Variants in SYNPR observed in about 807,000 individuals in gnomAD.
The protein encoded by SYNPR is synaptoporin.
A neutral mutation model predicts 32.9 loss-of-function variants in SYNPR; 23 were observed. The ratio of observed to expected loss-of-function variants is 0.70; its 90% CI spans 0.50 to 0.99. The LOEUF (loss-of-function observed/expected upper bound fraction) is 0.99, where lower values mean the gene tolerates loss of function less well. Among genes scored for constraint, SYNPR ranks in the 50% least tolerant of loss-of-function variants. The pLI, the probability that SYNPR is intolerant of heterozygous loss-of-function variation, is 0.00. For synonymous variants in SYNPR, 146 were observed against 135.9 expected (o/e 1.07, Z -0.52); for missense variants, 318 against 349.3 (o/e 0.91, Z 0.71).
chr3:63,458,812 A>G (rs1439413335), intron 2 of SYNPR, among the ~76,000 whole-genome samples: 1 of 152,002 alleles, frequency 6.6e-6, no homozygotes, highest in African/African-American at 2.4e-5. Context: ...CTGAGTTTCA[A>G]CCTCTTCAAA....
intron 3 of SYNPR, among the ~76,000 whole-genome samples, chr3:63,491,780 C>T (rs1321541756): frequency 2.0e-5 from 3 of 152,112 alleles, no homozygotes; most frequent in South Asian, 2.1e-4. Flanking sequence ...CTCGGCCTCC[C>T]GAAGTACTGG....
At chr3:63,436,738 T>C (rs1198630246) in intron 2 of SYNPR, among the ~76,000 whole-genome samples, 1 of 152,164 alleles carries the variant, frequency 6.6e-6, no homozygotes, top group East Asian at 1.9e-4. Context: ...AGTCTCTGAA[T>C]ACTCAGAAAT....
intron 3 of SYNPR, among the ~76,000 whole-genome samples, chr3:63,552,934 T>C (rs1330241363): frequency 6.6e-6 from 1 of 152,206 alleles, no homozygotes; most frequent in Non-Finnish European, 1.5e-5. Flanking sequence ...ATTATCTTAA[T>C]TGGAAGATGA....
intron 2 of SYNPR, among the ~76,000 whole-genome samples, chr3:63,327,045 T>G (rs938928750): frequency 6.6e-6 from 1 of 152,120 alleles, no homozygotes; most frequent in East Asian, 1.9e-4. Flanking sequence ...TTAGATTTCC[T>G]GTTTCATTTT....
At chr3:63,553,904 A>G (rs538356348) in intron 3 of SYNPR, among the ~76,000 whole-genome samples, 1 of 152,170 alleles carries the variant, frequency 6.6e-6, no homozygotes, top group South Asian at 2.1e-4. Flanking sequence ...TATTTTTAGT[A>G]GAGATGGGGT....
At chr3:63,410,129 T>G (rs888323125) in intron 2 of SYNPR, among the ~76,000 whole-genome samples, 2 of 152,218 alleles carry the variant, frequency 1.3e-5, no homozygotes, top group African/African-American at 4.8e-5. Context: ...TGGAAGTCAC[T>G]CATTCATGCA....
intron 2 of SYNPR, chr3:63,445,546 T>C: frequency 1.4e-6 from 1 of 701,074 alleles, no homozygotes; most frequent in South Asian, 1.5e-5. Flanking sequence ...CTTTTTAGCA[T>C]AATGAAGAAT....
At chr3:63,250,720 T>C (rs2086324312) in intron 1 of SYNPR, among the ~76,000 whole-genome samples, 1 of 152,184 alleles carries the variant, frequency 6.6e-6, no homozygotes, top group Non-Finnish European at 1.5e-5. Context: ...AGACCAAGAC[T>C]GCACAGTCAG....
intron 5 of SYNPR, among the ~76,000 whole-genome samples, chr3:63,610,019 T>C (rs1333686975): frequency 6.6e-6 from 1 of 152,206 alleles, no homozygotes; most frequent in East Asian, 1.9e-4. Flanking sequence ...TCAAGCCACA[T>C]GTAGCTGGAA....
intron 2 of SYNPR, among the ~76,000 whole-genome samples, chr3:63,322,067 A>T (rs1277397106): frequency 6.6e-6 from 1 of 152,044 alleles, no homozygotes; most frequent in Non-Finnish European, 1.5e-5. Context: ...GTGAGGAGAA[A>T]CAGCCTCTTG....
At chr3:63,583,238 G>T (rs1432298708) in intron 4 of SYNPR, among the ~76,000 whole-genome samples, 1 of 152,048 alleles carries the variant, frequency 6.6e-6, no homozygotes, top group Admixed American at 6.6e-5. Flanking sequence ...TGGTCAATCA[G>T]TTAAGGCAGG....
chr3:63,383,944 A>C (rs17068421), intron 2 of SYNPR, among the ~76,000 whole-genome samples: 19,540 of 152,280 alleles, frequency 0.13, 2,098 homozygotes, highest in East Asian at 0.59. Context: ...GTGTTGCTTA[A>C]TATGGTGGAA....
At chr3:63,342,035 G>C (rs977620148) in intron 2 of SYNPR, among the ~76,000 whole-genome samples, 1 of 152,198 alleles carries the variant, frequency 6.6e-6, no homozygotes, top group African/African-American at 2.4e-5. Context: ...TTTTGTGGAA[G>C]TTAGGAAGTT....
At chr3:63,444,340 C>G (rs973035010) in intron 2 of SYNPR, 1 of 152,100 alleles carries the variant, frequency 6.6e-6, no homozygotes, top group Middle Eastern at 3.2e-3. Context: ...ATTCAGAAGT[C>G]TGGGGAAAAG....
intron 2 of SYNPR, among the ~76,000 whole-genome samples, chr3:63,380,481 G>A (rs773081769): frequency 2.0e-5 from 3 of 152,142 alleles, no homozygotes; most frequent in Admixed American, 6.5e-5. Context: ...CTGCATAAAT[G>A]TCTTCTTTAG....
chr3:63,390,945 C>T (rs549589445), intron 2 of SYNPR, among the ~76,000 whole-genome samples: 98 of 152,304 alleles, frequency 6.4e-4, no homozygotes, highest in Non-Finnish European at 1.0e-3. Flanking sequence ...GAAATCACTC[C>T]GACTATGATC....
intron 2 of SYNPR, among the ~76,000 whole-genome samples, chr3:63,363,885 T>C (rs2087695430): frequency 6.6e-6 from 1 of 152,180 alleles, no homozygotes; most frequent in African/African-American, 2.4e-5. Flanking sequence ...CCCAAAAGGA[T>C]TCATTGCTTG....
intron 2 of SYNPR, among the ~76,000 whole-genome samples, chr3:63,334,708 T>C (rs2087266212): frequency 6.6e-6 from 1 of 152,192 alleles, no homozygotes; most frequent in Non-Finnish European, 1.5e-5. Context: ...ACATTGGCGA[T>C]TGATATTTTC....
chr3:63,202,570 A>C, the SYNPR span, among the ~76,000 whole-genome samples: 1 of 147,796 alleles, frequency 6.8e-6, no homozygotes, highest in Non-Finnish European at 1.5e-5. Flanking sequence ...CCTGGCTCCA[A>C]AAGTGGGTTG....
Sources: allele counts gnomAD v4.1 joint callset (sites outside exome capture counted in the v4.1 genomes callset), GRCh38; gene constraint gnomAD v4.1.1; transcripts MANE v1.5; gene names NCBI Gene and HGNC (gene_info 2026-07-23, HGNC 2026-07-21).